The following TADA1 variants were observed in gnomAD, a reference collection of about 807,000 sequenced individuals.
The protein encoded by TADA1 is transcriptional adapter 1.
A neutral mutation model predicts 39.3 loss-of-function variants in TADA1; 23 were observed. That is an observed-to-expected ratio of 0.58 (90% CI 0.42 to 0.83). TADA1 has a LOEUF of 0.83. Among genes scored for constraint, TADA1 ranks in the 40% least tolerant of loss-of-function variants. TADA1 has a pLI of 0.00. For missense variants in TADA1, 352 were observed against 408.1 expected (o/e 0.86, Z 1.18); for synonymous variants, 137 against 151.8 (o/e 0.90, Z 0.72).
chr1:166,859,135 G>A (rs1004740147), intron 6 of TADA1, among the ~76,000 whole-genome samples: 1 of 152,222 alleles, frequency 6.6e-6, no homozygotes, highest in African/African-American at 2.4e-5. Context: ...CCCAATTTAA[G>A]ATGGGTTAAA....
At chr1:166,869,624 T>C in intron 2 of TADA1, 114 bp from the exon 3 acceptor site, 3 of 1,167,830 alleles carry the variant, frequency 2.6e-6, no homozygotes, top group Non-Finnish European at 3.7e-6. Context: ...CCATGCTTTA[T>C]ACTTAAAGTA....
intron 1 of TADA1, 125 bp from the exon 2 acceptor site, chr1:166,869,979 A>T: frequency 1.4e-6 from 1 of 726,886 alleles, no homozygotes; most frequent in Non-Finnish European, 2.3e-6. Context: ...GCAGGGGAAC[A>T]ATCAGAGCTC....
In TADA1 at chr1:166,874,632, T is replaced by A. The variant is rs530605194; in HGVS notation, c.74+1528A>T. Among the ~76,000 whole-genome samples the A allele has an allele frequency of 3.0e-4, 45 of 151,924 alleles. 1 individual carries two copies. Among genetic ancestry groups the A allele is most frequent in the African/African-American group, 1.1e-3 (44 of 41,400 alleles). On this transcript the variant is annotated intron_variant, in intron 1 of 7. Coordinates refer to ENST00000367874, the MANE Select transcript of TADA1 (RefSeq NM_053053.4). ...AGACTTTGTCTCTGAAAAAAAAAACTTTAGCCAGGATTAGCGGGGCGTGCC... is the reference window on the plus strand; with the variant it reads ...AGACTTTGTCTCTGAAAAAAAAAACATTAGCCAGGATTAGCGGGGCGTGCC...
In TADA1 at chr1:166,862,127, G is replaced by T. The variant is rs1450904471; in HGVS notation, c.540+76C>A. On this transcript the variant is annotated intron_variant, in intron 5 of 7. Transcript: ENST00000367874. ...AGAGTGACATTTGGATTCTTTTCTT[G>T]CAATACCGACTTTAAACAACACACA... 5 of 1,368,550 alleles carry T rather than the reference G, an allele frequency of 3.7e-6. No homozygotes were observed. The Admixed American group carries it at 9.0e-5, about 25-fold the overall frequency. 84.8% of individuals were successfully genotyped at this position (1,368,550 alleles called of 1,614,324 possible).
intron 6 of TADA1, among the ~76,000 whole-genome samples, chr1:166,858,791 T>C (rs995959518): frequency 6.6e-6 from 1 of 152,222 alleles, no homozygotes; most frequent in Non-Finnish European, 1.5e-5. Context: ...ACCTACACAA[T>C]GCTGAGGACG....
rs1397141425 is a variant in TADA1, at chr1:166,876,182, C to A, written c.52G>T (p.Ala18Ser). 6.2e-7 allele frequency: 1 copy of A among 1,613,850 alleles called. No individual in the cohort carries two copies. Residue 18 changes from alanine to serine, a missense_variant, in exon 1 of 8, where the codon GCC becomes TCC. By Grantham distance (99) the Ala-to-Ser change is moderately conservative (BLOSUM62 1). Around this residue, in one of 3 missense-constraint regions of TADA1, gnomAD observed 31 missense variants for 25.1 expected, o/e 1.23. Transcript: ENST00000367874. Reference protein sequence around the residue: ...LEAAKKNLSEALGDNVKQYWA... With the variant: ...LEAAKKNLSESLGDNVKQYWA... ...TACTGTTTCACGTTGTCCCCCAGGG[C>A]CTCGCTTAAGTTCTTCTTGGCCGCC...
In TADA1 at chr1:166,857,621, T is replaced by C. The variant is rs776724546; in HGVS notation, c.954A>G (p.Gln318=). The part of the protein sequence containing the change: ...LWHPNHEELQ[Q]DKVHRQRLAA... ...CCAAGCGCTGGCGGTGAACTTTGTC[T>C]TGCTGCAGCTCTTCATGATTTGGAT... The change falls in exon 8 of 8, where the codon CAA becomes CAG. Residue 318 remains glutamine (Q), a synonymous_variant. Transcript: ENST00000367874. 3.1e-6 allele frequency: 5 copies of C among 1,614,112 alleles called. No homozygotes were observed. The highest frequency in any genetic ancestry group is 1.3e-5 in the African/African-American group (1 of 74,946).
chr1:166,870,306 A>G (rs1324072933), intron 1 of TADA1, among the ~76,000 whole-genome samples: 3 of 152,248 alleles, frequency 2.0e-5, no homozygotes, highest in Non-Finnish European at 4.4e-5. Flanking sequence ...ATTAGGACAC[A>G]GATACATTCA....
chr1:166,876,114 G>C, intron 1 of TADA1, 46 bp downstream of exon 1: 1 of 1,571,220 alleles, frequency 6.4e-7, no homozygotes, highest in South Asian at 1.2e-5. Context: ...GAGGCCAGGA[G>C]AGCACCCGCG....
chr1:166,868,370 C>A (rs1658580312), intron 3 of TADA1, among the ~76,000 whole-genome samples: 1 of 152,156 alleles, frequency 6.6e-6, no homozygotes, highest in Admixed American at 6.5e-5. Context: ...CTTTCAGGTG[C>A]TATCTTACCT....
intron 5 of TADA1, among the ~76,000 whole-genome samples, chr1:166,860,801 T>C (rs1328273088): frequency 6.6e-6 from 1 of 152,036 alleles, no homozygotes; most frequent in South Asian, 2.1e-4. Context: ...TCCCAAGTAG[T>C]TGGGATTACA....
chr1:166,860,185 CCTTT>C lies in TADA1; in HGVS notation c.689_692del (p.Glu230AlafsTer45). ...AGAAAATCACAAGAAACTTCATTTA[CCTTT>C]CTATTAAGTTGTTGTAAGCTACTAC... On this transcript the variant is annotated frameshift_variant and splice_region_variant, in exon 6 of 8. Transcript: ENST00000367874. LOFTEE classifies it high-confidence loss of function. 6.3e-7 allele frequency: 1 copy of C among 1,593,266 alleles called. No homozygotes were observed. Among genetic ancestry groups the C allele is most frequent in the East Asian group, 2.2e-5 (1 of 44,608 alleles).
At chr1:166,860,532 G>A (rs552245999) in intron 5 of TADA1, among the ~76,000 whole-genome samples, 195 bp from the exon 6 acceptor site, 1 of 152,196 alleles carries the variant, frequency 6.6e-6, no homozygotes, top group Non-Finnish European at 1.5e-5. Flanking sequence ...GGGAAAGAGG[G>A]GGACATGCTT....
Position 166,857,238 on chromosome 1 carries a change from C to A in TADA1, c.*329G>T. 1 of 223,752 alleles carries A rather than the reference C, an allele frequency of 4.5e-6. No individual in the cohort carries two copies. Among genetic ancestry groups the A allele is most frequent in the Non-Finnish European group, 8.8e-6 (1 of 113,816 alleles). 13.9% of individuals were successfully genotyped at this position (223,752 alleles called of 1,614,324 possible). On this transcript the variant is annotated 3_prime_UTR_variant, in exon 8 of 8. Transcript: ENST00000367874. ...GCTGATCAGGGGGATTAAGTTAAAACAGCTTCTTTGTTCTAGGATGTCATC... is the reference window on the plus strand; with the variant it reads ...GCTGATCAGGGGGATTAAGTTAAAAAAGCTTCTTTGTTCTAGGATGTCATC...
intron 1 of TADA1, among the ~76,000 whole-genome samples, chr1:166,871,738 C>A (rs1482984365): frequency 6.6e-6 from 1 of 152,014 alleles, no homozygotes; most frequent in African/African-American, 2.4e-5. Context: ...CACTTTTATA[C>A]ATTTTTTTAA....
At chr1:166,869,312 C>T in intron 3 of TADA1, 133 bp downstream of exon 3, 1 of 558,468 alleles carries the variant, frequency 1.8e-6, no homozygotes, top group Non-Finnish European at 3.1e-6. Context: ...GAATTTGTAT[C>T]TACCTAATAA....
intron 7 of TADA1, 95 bp downstream of exon 7, chr1:166,858,024 A>C: frequency 6.8e-7 from 1 of 1,473,154 alleles, no homozygotes; most frequent in Non-Finnish European, 9.3e-7. Flanking sequence ...ACACAAAGCC[A>C]AGAAGTGGAA....
chr1:166,862,694 TA>T, intron 4 of TADA1: 1 of 452,746 alleles, frequency 2.2e-6, no homozygotes, highest in Non-Finnish European at 4.0e-6. Context: ...GGCACTGTGT[TA>T]AAAATAACTG....
intron 1 of TADA1, among the ~76,000 whole-genome samples, chr1:166,875,282 T>TCTTTGG (rs1034889781): frequency 6.6e-6 from 1 of 152,226 alleles, no homozygotes; most frequent in African/African-American, 2.4e-5. Flanking sequence ...CCTTTTTTGC[T>TCTTTGG]CTTTGGCTTT....
Sources: allele counts gnomAD v4.1 joint callset (sites outside exome capture counted in the v4.1 genomes callset), GRCh38; gene constraint gnomAD v4.1.1; regional missense constraint gnomAD v4.1.1; transcripts MANE v1.5; gene names NCBI Gene and HGNC (gene_info 2026-07-23, HGNC 2026-07-21).